RPS6KC1: variants seen among roughly 807,000 people sequenced by gnomAD.
RPS6KC1 encodes the protein inactive ribosomal protein S6 kinase delta-1.
In RPS6KC1, 54 loss-of-function variants were observed where a neutral mutation model predicts 103.8. The ratio of observed to expected loss-of-function variants is 0.52; its 90% CI spans 0.42 to 0.65. The LOEUF (loss-of-function observed/expected upper bound fraction) is 0.65, where lower values mean the gene tolerates loss of function less well. RPS6KC1 is among the 30% of genes least tolerant of loss of function. RPS6KC1 has a pLI of 0.00. For synonymous variants in RPS6KC1, 439 were observed against 438.7 expected (o/e 1.00, Z -0.01); for missense variants, 1,151 against 1,253.8 (o/e 0.92, Z 1.24).
rs201597489 is a variant in RPS6KC1, at chr1:213,242,315, A to G, written c.2821+18A>G. 32 of 1,612,170 alleles carry G rather than the reference A, an allele frequency of 2.0e-5. No homozygotes were observed. The Admixed American group carries it at 5.3e-4, about 27-fold the overall frequency. On this transcript the variant is annotated intron_variant, in intron 11 of 14. Transcript: ENST00000366960. ...TGATAGAGGTCAGGAACTTTTGCAA[A>G]TGCATTTCTTTTTATTCGCTGTTGC...
the RPS6KC1 span, among the ~76,000 whole-genome samples, chr1:213,443,214 C>T: frequency 1.3e-5 from 2 of 152,144 alleles, no homozygotes; most frequent in African/African-American, 4.8e-5. Flanking sequence ...CAGAGCCAGC[C>T]CATACGGTGC....
chr1:213,524,316 C>T, the RPS6KC1 span, among the ~76,000 whole-genome samples: 1 of 151,994 alleles, frequency 6.6e-6, no homozygotes, highest in Non-Finnish European at 1.5e-5. Flanking sequence ...CCTGTCTTAC[C>T]CCAGCCCAGG....
the RPS6KC1 span, among the ~76,000 whole-genome samples, chr1:213,308,207 G>A: frequency 3.3e-5 from 5 of 151,630 alleles, no homozygotes; most frequent in African/African-American, 1.2e-4. Context: ...CCAGCTACTC[G>A]GGAGGCTGAG....
chr1:213,102,438 G>A (rs2082098427), intron 3 of RPS6KC1, among the ~76,000 whole-genome samples: 1 of 152,130 alleles, frequency 6.6e-6, no homozygotes, highest in Non-Finnish European at 1.5e-5. Context: ...AGGGGGAAGG[G>A]ACAAAGAAGA....
chr1:213,302,226 A>G, the RPS6KC1 span, among the ~76,000 whole-genome samples: 3 of 151,902 alleles, frequency 2.0e-5, no homozygotes, highest in South Asian at 2.1e-4. Context: ...GAATATTGCA[A>G]CCCTTACTAA....
chr1:213,502,174 T>G, the RPS6KC1 span, among the ~76,000 whole-genome samples: 1 of 152,342 alleles, frequency 6.6e-6, no homozygotes, highest in Admixed American at 6.5e-5. Context: ...GGCTGTAATG[T>G]GTTACATGAG....
At chr1:213,622,383 CT>C in the RPS6KC1 span, among the ~76,000 whole-genome samples, 3 of 152,174 alleles carry the variant, frequency 2.0e-5, no homozygotes, top group Non-Finnish European at 4.4e-5. Context: ...GCAGCCTCCT[CT>C]TTTGTGAATT....
the RPS6KC1 span, among the ~76,000 whole-genome samples, chr1:213,590,467 A>G: frequency 6.6e-6 from 1 of 152,202 alleles, no homozygotes. Flanking sequence ...TTTTGGGATC[A>G]CCACCAGTAG....
At chr1:213,800,094 C>T in the RPS6KC1 span, among the ~76,000 whole-genome samples, 1 of 152,174 alleles carries the variant, frequency 6.6e-6, no homozygotes, top group African/African-American at 2.4e-5. Context: ...CTAATAACCT[C>T]TGAAGGCCCC....
intron 6 of RPS6KC1, among the ~76,000 whole-genome samples, chr1:213,156,702 A>G (rs1463099542): frequency 6.6e-6 from 1 of 152,230 alleles, no homozygotes; most frequent in African/African-American, 2.4e-5. Context: ...GAGTAGAGAA[A>G]AAGGTGGAAA....
At position 213,273,216 on chromosome 1, in the gene RPS6KC1, G is replaced by T. The variant is rs1323568249; in HGVS notation, c.*582G>T. On this transcript the variant is annotated 3_prime_UTR_variant, in exon 15 of 15. Coordinates refer to ENST00000366960, the MANE Select transcript of RPS6KC1 (RefSeq NM_012424.6). The stretch of plus-strand genomic sequence containing the variant: ...TTATTTCTGTAAGAAGACACTCCAT[G>T]TTGTCAGCTTTGTACTCTTTGTTGA... The T allele has an allele frequency of 1.3e-5, 2 of 153,076 alleles. No homozygotes were observed. Among genetic ancestry groups the T allele is most frequent in the Non-Finnish European group, 2.9e-5 (2 of 68,390 alleles). The allele number at this position is 153,076 out of a possible 1,614,324, so 9.5% of individuals were successfully genotyped here.
At chr1:213,246,902 A>G (rs1181710833) in intron 12 of RPS6KC1, among the ~76,000 whole-genome samples, 1 of 152,148 alleles carries the variant, frequency 6.6e-6, no homozygotes, top group African/African-American at 2.4e-5. Context: ...AAAGAAAAAT[A>G]CAAGAAAATG....
At chr1:213,310,649 G>A in the RPS6KC1 span, among the ~76,000 whole-genome samples, 4 of 152,134 alleles carry the variant, frequency 2.6e-5, no homozygotes, top group Non-Finnish European at 5.9e-5. Context: ...TTCTGCATTC[G>A]TCGTATGTAG....
the RPS6KC1 span, among the ~76,000 whole-genome samples, chr1:213,850,657 G>GT: frequency 6.6e-6 from 1 of 152,116 alleles, no homozygotes; most frequent in African/African-American, 2.4e-5. Context: ...TATTTTTTAC[G>GT]TGTTTGTTCC....
At chr1:213,757,669 G>A in the RPS6KC1 span, among the ~76,000 whole-genome samples, 1 of 151,986 alleles carries the variant, frequency 6.6e-6, no homozygotes, top group Non-Finnish European at 1.5e-5. Context: ...ATGATGAAGG[G>A]GGCTGCAATA....
the RPS6KC1 span, among the ~76,000 whole-genome samples, chr1:213,856,405 A>G: frequency 6.6e-6 from 1 of 151,972 alleles, no homozygotes; most frequent in Non-Finnish European, 1.5e-5. Flanking sequence ...TTAGTTTCAT[A>G]TATTTTCTTC....
In RPS6KC1 at chr1:213,131,132, G is replaced by A. The variant is rs371545104; in HGVS notation, c.835+1243G>A. ...GATTTCACAATTGATACTTAATTTC[G>A]GTGGGCCTGAGGATCAAACAGCGAT... On this transcript the variant is annotated intron_variant, in intron 6 of 14. Transcript: ENST00000366960. Among the ~76,000 whole-genome samples the A allele has an allele frequency of 5.9e-5, 9 of 152,118 alleles. No homozygotes were observed. The South Asian group carries it at 8.3e-4, about 14-fold the overall frequency.
At chr1:213,416,235 C>T in the RPS6KC1 span, among the ~76,000 whole-genome samples, 2 of 152,228 alleles carry the variant, frequency 1.3e-5, no homozygotes, top group Admixed American at 6.5e-5. Flanking sequence ...GGGGCAAACC[C>T]ACAGGCCTCT....
chr1:213,328,504 CTATA>C, the RPS6KC1 span, among the ~76,000 whole-genome samples: 227 of 101,450 alleles, frequency 2.2e-3, 4 homozygotes, highest in South Asian at 0.011. Context: ...AGCCATTATA[CTATA>C]TATATATATA....
Sources: gnomAD v4.1 joint callset for allele counts (sites outside exome capture counted in the v4.1 genomes callset) on GRCh38, gnomAD v4.1.1 for gene constraint, MANE v1.5 for transcripts, NCBI Gene and HGNC (gene_info 2026-07-23, HGNC 2026-07-21) for gene names.